Variants in GDAP1L1 observed in about 807,000 individuals in gnomAD.
GDAP1L1 encodes the protein ganglioside-induced differentiation-associated protein 1-like 1.
In GDAP1L1, 21 loss-of-function variants were observed where a neutral mutation model predicts 37.1. That is an observed-to-expected ratio of 0.57 (90% CI 0.40 to 0.81). The LOEUF is 0.81. Among genes scored for constraint, GDAP1L1 ranks in the 40% least tolerant of loss-of-function variants. The probability of loss-of-function intolerance (pLI) is 0.00; values close to 1 mark genes in which losing one functional copy is unlikely to be tolerated. For synonymous variants in GDAP1L1, 193 were observed against 209.1 expected (o/e 0.92, Z 0.67); for missense variants, 362 against 491.6 (o/e 0.74, Z 2.49).
chr20:44,247,498 C>A lies in GDAP1L1; in HGVS notation c.164C>A (p.Ser55Tyr), dbSNP rs2073352657. 1 of 1,538,980 alleles carries A rather than the reference C, an allele frequency of 6.5e-7. No individual in the cohort carries two copies. Among genetic ancestry groups the A allele is most frequent in the Non-Finnish European group, 8.8e-7 (1 of 1,141,360 alleles). The change falls in exon 1 of 6, where the codon TCC becomes TAC. Residue 55 changes from serine to tyrosine, a missense_variant. By Grantham distance (144) the Ser-to-Tyr change is moderately radical. Coordinates refer to ENST00000342560, the MANE Select transcript of GDAP1L1 (RefSeq NM_024034.6). ...CTGGTTCTGTACCACTGGACCCAGT[C>A]CTTCAGCTCGCAGAAGGTAGAGCCG... ...ESLVLYHWTQ[S>Y]FSSQKVRLVI...
At chr20:44,277,390 C>T (rs571255035) in intron 5 of GDAP1L1, among the ~76,000 whole-genome samples, 1 of 152,318 alleles carries the variant, frequency 6.6e-6, no homozygotes, top group East Asian at 1.9e-4. Flanking sequence ...GCAGGGGGAA[C>T]AGCGAGGGCA....
At chr20:44,263,470 A>AT (rs2073709306) in intron 4 of GDAP1L1, 143 bp downstream of exon 4, 1 of 665,742 alleles carries the variant, frequency 1.5e-6, no homozygotes, top group African/African-American at 1.8e-5. Flanking sequence ...GTCCCCTGCC[A>AT]TTTACTAGCT....
At chr20:44,276,414 A>AAGAG (rs2062577280) in intron 5 of GDAP1L1, among the ~76,000 whole-genome samples, 1 of 121,658 alleles carries the variant, frequency 8.2e-6, no homozygotes, top group Admixed American at 9.6e-5. Context: ...AAAAAAGAAA[A>AAGAG]AGAAAGAAAG....
intron 5 of GDAP1L1, among the ~76,000 whole-genome samples, chr20:44,270,892 T>C (rs4812810): frequency 0.33 from 49,963 of 152,068 alleles, 9,401 homozygotes; most frequent in East Asian, 0.5. Flanking sequence ...GAAATACAGC[T>C]GCTATTCAAG....
intron 5 of GDAP1L1, 61 bp from the exon 6 acceptor site, chr20:44,278,896 A>T: frequency 9.4e-7 from 1 of 1,066,634 alleles, no homozygotes; most frequent in Non-Finnish European, 1.4e-6. Flanking sequence ...GCTCATGGAG[A>T]GAAGCAAGTG....
chr20:44,270,734 C>T (rs946195780), intron 5 of GDAP1L1, among the ~76,000 whole-genome samples: 44 of 152,206 alleles, frequency 2.9e-4, no homozygotes, highest in African/African-American at 1.0e-3. Flanking sequence ...ATGTGGGCCT[C>T]TCAATAGGCT....
At chr20:44,277,642 A>G (rs1465870700) in intron 5 of GDAP1L1, among the ~76,000 whole-genome samples, 1 of 152,190 alleles carries the variant, frequency 6.6e-6, no homozygotes, top group Non-Finnish European at 1.5e-5. Context: ...AAACTTTAAC[A>G]TGACCACTTT....
Position 44,279,357 on chromosome 20 carries a change from C to T in GDAP1L1, c.*57C>T, listed in dbSNP as rs1043850966. 8.5e-5 allele frequency: 96 copies of T among 1,132,360 alleles called. No homozygotes were observed. The highest frequency in any genetic ancestry group is 2.0e-4 in the Middle Eastern group (1 of 5,012). 70.1% of individuals were successfully genotyped at this position (1,132,360 alleles called of 1,614,324 possible). On this transcript the variant is annotated 3_prime_UTR_variant, in exon 6 of 6. Coordinates refer to ENST00000342560, the MANE Select transcript of GDAP1L1 (RefSeq NM_024034.6). ...GGTGTCTCTGTGCTGTGTGATTCCCCGTGAGCTCTCAGTAACTCACTGTCT... is the reference window on the plus strand; with the variant it reads ...GGTGTCTCTGTGCTGTGTGATTCCCTGTGAGCTCTCAGTAACTCACTGTCT...
chr20:44,279,186 T>A lies in GDAP1L1; in HGVS notation c.990T>A (p.Ala330=). The stretch of plus-strand genomic sequence containing the variant: ...TGCTGTCGGCCGTCATCCCCAATGC[T>A]TTCCGGCTGGTCAAGAGGAAACCCC... The part of the protein sequence containing the change: ...TTLLSAVIPN[A]FRLVKRKPPS... The change falls in exon 6 of 6, where the codon GCT becomes GCA. Residue 330 remains alanine, a synonymous_variant. Coordinates refer to ENST00000342560, the MANE Select transcript of GDAP1L1 (RefSeq NM_024034.6). 1 of 1,614,174 alleles carries A rather than the reference T, an allele frequency of 6.2e-7. No homozygotes were observed. The highest frequency in any genetic ancestry group is 8.5e-7 in the Non-Finnish European group (1 of 1,180,012).
chr20:44,272,356 C>T (rs1023387806), intron 5 of GDAP1L1, among the ~76,000 whole-genome samples: 2 of 152,152 alleles, frequency 1.3e-5, no homozygotes, highest in Admixed American at 1.3e-4. Flanking sequence ...AAGCTGCTAT[C>T]TTCTGAACGA....
chr20:44,248,674 A>G (rs2073382113), intron 1 of GDAP1L1, among the ~76,000 whole-genome samples: 1 of 152,212 alleles, frequency 6.6e-6, no homozygotes, highest in Admixed American at 6.5e-5. Context: ...GGGACTACTC[A>G]AACTTGAGCG....
intron 1 of GDAP1L1, 22 bp from the exon 2 acceptor site, chr20:44,257,131 G>A (rs773133581): frequency 3.3e-5 from 51 of 1,555,772 alleles, no homozygotes; most frequent in East Asian, 4.7e-5. Context: ...CGCCTTCCCC[G>A]CTCTGACCCT....
rs1002755448 is a variant in GDAP1L1 at position 44,279,940 on chromosome 20, C to T, written c.*640C>T. On this transcript the variant is annotated 3_prime_UTR_variant, in exon 6 of 6. Transcript: ENST00000342560. ...ATGAGCACACCCTCTCATTGTCCTTCTGATTTGGTCCATGTGTTGGGTTTG... is the reference window on the plus strand; with the variant it reads ...ATGAGCACACCCTCTCATTGTCCTTTTGATTTGGTCCATGTGTTGGGTTTG... The T allele has an allele frequency of 2.7e-6, 1 of 366,726 alleles. No individual in the cohort carries two copies. Among genetic ancestry groups the T allele is most frequent in the African/African-American group, 2.1e-5 (1 of 46,988 alleles). 22.7% of individuals were successfully genotyped at this position (366,726 alleles called of 1,614,324 possible).
intron 3 of GDAP1L1, among the ~76,000 whole-genome samples, chr20:44,262,164 G>T (rs1008045554): frequency 6.6e-6 from 1 of 152,092 alleles, no homozygotes; most frequent in Non-Finnish European, 1.5e-5. Flanking sequence ...AGTGTGTGAA[G>T]AAGATATCTC....
At chr20:44,270,391 C>T (rs989421513) in intron 5 of GDAP1L1, among the ~76,000 whole-genome samples, 2 of 151,898 alleles carry the variant, frequency 1.3e-5, no homozygotes, top group African/African-American at 4.8e-5. Context: ...GGGATGGTCT[C>T]GATCTCCTGA....
intron 5 of GDAP1L1, among the ~76,000 whole-genome samples, chr20:44,276,427 AG>A (rs1457938613): frequency 2.8e-4 from 39 of 140,712 alleles, no homozygotes; most frequent in African/African-American, 9.5e-4. Context: ...AAAGAAAGAA[AG>A]AAAGAAAGAA....
intron 5 of GDAP1L1, among the ~76,000 whole-genome samples, chr20:44,276,402 AG>A (rs2146059272): frequency 1.3e-3 from 176 of 131,196 alleles, no homozygotes; most frequent in African/African-American, 4.8e-3. Context: ...AGAAAGGGAA[AG>A]AAAAAAGAAA....
chr20:44,278,614 CAA>C (rs1445535567), intron 5 of GDAP1L1, among the ~76,000 whole-genome samples: 1 of 152,074 alleles, frequency 6.6e-6, no homozygotes, highest in Non-Finnish European at 1.5e-5. Context: ...CTCCTGACCT[CAA>C]ATGATCTGCT....
chr20:44,280,355 A>G lies in GDAP1L1; in HGVS notation c.*1055A>G, dbSNP rs1318940251. On this transcript the variant is annotated 3_prime_UTR_variant, in exon 6 of 6. Coordinates refer to ENST00000342560, the MANE Select transcript of GDAP1L1 (RefSeq NM_024034.6). Reference sequence around the variant, plus strand: ...TGCATAGAAACCACCAAAAGCCCCAATAAAGCATCCAGGAGGAACAGTTGC... The same window carrying G: ...TGCATAGAAACCACCAAAAGCCCCAGTAAAGCATCCAGGAGGAACAGTTGC... The G allele has an allele frequency of 3.9e-5, 6 of 153,992 alleles. No individual in the cohort carries two copies. Among genetic ancestry groups the G allele is most frequent in the Non-Finnish European group, 5.8e-5 (4 of 69,036 alleles). 9.5% of individuals were successfully genotyped at this position (153,992 alleles called of 1,614,324 possible). A position where few individuals can be genotyped will look rare whatever the true frequency, so the allele number is the denominator to read the frequency against.
Sources: allele counts gnomAD v4.1 joint callset (sites outside exome capture counted in the v4.1 genomes callset), GRCh38; gene constraint gnomAD v4.1.1; transcripts MANE v1.5; gene names NCBI Gene and HGNC (gene_info 2026-07-23, HGNC 2026-07-21).